The following NEK10 variants were observed in gnomAD, a reference collection of about 807,000 sequenced individuals.
NEK10 encodes the protein NIMA related kinase 10.
NEK10 carries 122 observed loss-of-function variants against 159.8 expected under a neutral mutation model. The observed-to-expected ratio is 0.76, with a 90% CI of 0.66 to 0.89. The LOEUF (loss-of-function observed/expected upper bound fraction) is 0.89, where lower values mean the gene tolerates loss of function less well. Ranked by LOEUF, NEK10 falls within the 40% of genes least tolerant of loss-of-function variation. The pLI is 0.00. For synonymous variants in NEK10, 466 were observed against 457.1 expected (o/e 1.02, Z -0.25); for missense variants, 1,342 against 1,323.1 (o/e 1.01, Z -0.22).
intron 30 of NEK10, among the ~76,000 whole-genome samples, chr3:27,157,516 A>G (rs148958971): frequency 6.6e-6 from 1 of 152,176 alleles, no homozygotes; most frequent in Non-Finnish European, 1.5e-5. Context: ...GTCTCATCCA[A>G]AAGCTTGAAT....
chr3:27,190,417 T>C (rs910185546), intron 26 of NEK10, among the ~76,000 whole-genome samples: 1 of 152,198 alleles, frequency 6.6e-6, no homozygotes, highest in Admixed American at 6.5e-5. Flanking sequence ...TAGCCCTTAA[T>C]AGCTAACTGT....
rs763254465 is a variant in NEK10 at position 27,115,990 on chromosome 3, C to A, written c.3249G>T (p.Val1083=). Residue 1083 remains valine (V), a synonymous_variant, in exon 35 of 36, where the codon GTG becomes GTT. Coordinates refer to ENST00000691995, the MANE Select transcript of NEK10 (RefSeq NM_001394966.1). ...EGITYEQMQT[V]IEEVLEESGY... is the part of the protein sequence containing the mutation. Reference sequence around the variant, plus strand: ...CACTTTCCTCAAGGACTTCTTCAATCACAGTCTAAAATTTTAAAAATCAGG... The same window carrying A: ...CACTTTCCTCAAGGACTTCTTCAATAACAGTCTAAAATTTTAAAAATCAGG... 4.5e-5 allele frequency: 72 copies of A among 1,612,976 alleles called. 1 individual carries two copies. In the South Asian group the frequency reaches 7.6e-4, roughly 17 times the overall value.
intron 25 of NEK10, among the ~76,000 whole-genome samples, chr3:27,200,742 C>T (rs1016875507): frequency 2.2e-4 from 33 of 152,082 alleles, no homozygotes; most frequent in Admixed American, 7.9e-4. Context: ...TTAGAGAGTA[C>T]TGTGAGGTAG....
At chr3:27,323,838 C>A (rs967174321) in intron 5 of NEK10, among the ~76,000 whole-genome samples, 2 of 152,110 alleles carry the variant, frequency 1.3e-5, no homozygotes, top group African/African-American at 4.8e-5. Context: ...TGCAATTTTG[C>A]AATGTTTTTG....
chr3:27,322,683 T>C (rs1218389333), intron 5 of NEK10, among the ~76,000 whole-genome samples: 1 of 152,186 alleles, frequency 6.6e-6, no homozygotes, highest in Admixed American at 6.5e-5. Flanking sequence ...TGGGGGTGTG[T>C]GCATTAGTGG....
At chr3:27,220,554 C>G (rs1184602774) in intron 23 of NEK10, among the ~76,000 whole-genome samples, 3 of 151,936 alleles carry the variant, frequency 2.0e-5, no homozygotes, top group Admixed American at 6.6e-5. Context: ...AGGGATTATA[C>G]TAGAATGTAG....
intron 23 of NEK10, among the ~76,000 whole-genome samples, chr3:27,244,144 C>T (rs1954832186): frequency 1.3e-5 from 2 of 152,214 alleles, no homozygotes; most frequent in African/African-American, 4.8e-5. Context: ...CTCAACCCAG[C>T]CAAACTATAG....
At chr3:27,263,776 A>G (rs1041833529) in intron 22 of NEK10, among the ~76,000 whole-genome samples, 1 of 152,110 alleles carries the variant, frequency 6.6e-6, no homozygotes, top group Admixed American at 6.5e-5. Flanking sequence ...GGGTGAGGCA[A>G]TGCCTCGCCC....
chr3:27,286,545 C>CTTTTTT lies in NEK10; in HGVS notation c.1789+1147_1789+1152dup, dbSNP rs36101281. ...TACAGGCGCCTGCCACCACGCCCAG[C>CTTTTTT]TTTTTTTTTTTTTTTTTTTTTTTAA... On this transcript the variant is annotated intron_variant, in intron 20 of 35. Coordinates refer to ENST00000691995, the MANE Select transcript of NEK10 (RefSeq NM_001394966.1). Among the ~76,000 whole-genome samples the CTTTTTT allele has an allele frequency of 8.0e-3, 522 of 65,000 alleles. 67 individuals are homozygous for CTTTTTT. Among genetic ancestry groups the CTTTTTT allele is most frequent in the African/African-American group, 0.025 (279 of 11,222 alleles). The allele number at this position is 65,000 out of a possible 152,430, so 42.6% of individuals were successfully genotyped here.
Position 27,192,073 on chromosome 3 carries a change from G to T in NEK10, c.2461C>A (p.Arg821=). The change falls in exon 26 of 36, where the codon CGG becomes AGG. Residue 821 remains arginine, a synonymous_variant. Coordinates refer to ENST00000691995, the MANE Select transcript of NEK10 (RefSeq NM_001394966.1). Reference sequence around the variant, plus strand: ...TCATGGTGACATGTGACGGTGTTCCGGTTGGCTTCCATAAAATACCTTTGT... The same window carrying T: ...TCATGGTGACATGTGACGGTGTTCCTGTTGGCTTCCATAAAATACCTTTGT... The part of the protein sequence containing the change: ...RTQRYFMEAN[R]NTVTCHHELA... 1 of 1,614,130 alleles carries T rather than the reference G, an allele frequency of 6.2e-7. No homozygotes were observed. The highest frequency in any genetic ancestry group is 1.1e-5 in the South Asian group (1 of 91,080).
At chr3:27,218,809 C>T (rs1336140972) in intron 23 of NEK10, among the ~76,000 whole-genome samples, 2 of 150,240 alleles carry the variant, frequency 1.3e-5, no homozygotes, top group Non-Finnish European at 3.0e-5. Context: ...AACTGTCTTT[C>T]GTGATAAAAG....
chr3:27,313,624 T>C (rs599298), intron 7 of NEK10, among the ~76,000 whole-genome samples: 96,724 of 152,086 alleles, frequency 0.64, 33,081 homozygotes, highest in African/African-American at 0.91. Flanking sequence ...AAGACACCGT[T>C]TCAAATATAT....
intron 20 of NEK10, among the ~76,000 whole-genome samples, chr3:27,286,229 G>A (rs2042594296): frequency 6.6e-6 from 1 of 150,782 alleles, no homozygotes; most frequent in Non-Finnish European, 1.5e-5. Flanking sequence ...GGGACTACAG[G>A]CGCCCGCCAC....
rs1940354619 is a variant in NEK10 at position 27,115,961 on chromosome 3, T to C, written c.3278A>G (p.Tyr1093Cys). 1.2e-6 allele frequency: 2 copies of C among 1,612,900 alleles called. No individual in the cohort carries two copies. The highest frequency in any genetic ancestry group is 8.5e-7 in the Non-Finnish European group (1 of 1,179,188). ...VIEEVLEESGYYNFTSNRYHS... is the reference protein window; with the variant it reads ...VIEEVLEESGCYNFTSNRYHS... ...TTACCTGTTAGATGTAAAATTGTAA[T>C]AGCCACTTTCCTCAAGGACTTCTTC... Residue 1093 changes from tyrosine (Y) to cysteine (C), a missense_variant, in exon 35 of 36, where the codon TAT becomes TGT. Physicochemically the swap from Tyr to Cys is radical, Grantham distance 194. Transcript: ENST00000691995.
chr3:27,240,778 A>G (rs1416859591), intron 23 of NEK10, among the ~76,000 whole-genome samples: 4 of 151,588 alleles, frequency 2.6e-5, no homozygotes, highest in African/African-American at 9.7e-5. Flanking sequence ...CAGCCTCCCG[A>G]GTAGATGAGA....
At chr3:27,202,165 T>A (rs1308103043) in intron 24 of NEK10, among the ~76,000 whole-genome samples, 5 of 89,054 alleles carry the variant, frequency 5.6e-5, no homozygotes, top group East Asian at 2.3e-4. Context: ...ATAAATAAAT[T>A]AAATAAATAA....
chr3:27,275,616 C>G (rs1477360660), intron 22 of NEK10, among the ~76,000 whole-genome samples: 1 of 152,184 alleles, frequency 6.6e-6, no homozygotes, highest in African/African-American at 2.4e-5. Context: ...GGCATGTCGA[C>G]AGACCTACAA....
At chr3:27,368,300 T>TC (rs1297573521) in intron 1 of NEK10, among the ~76,000 whole-genome samples, 35 of 149,368 alleles carry the variant, frequency 2.3e-4, no homozygotes, top group Non-Finnish European at 1.5e-4. Context: ...AAAAAAGGAG[T>TC]CTTTTTTAGA....
In NEK10 at chr3:27,128,957, G is replaced by A. The variant is rs565101359; in HGVS notation, c.3081+2923C>T. On this transcript the variant is annotated intron_variant, in intron 32 of 35. Coordinates refer to ENST00000691995, the MANE Select transcript of NEK10 (RefSeq NM_001394966.1). ...CTCGACTATTTCAATGAAAATATTA[G>A]GAAATGTGTATATTTTTTAATAGAT... is the stretch of plus-strand genomic sequence containing the variant. Among the ~76,000 whole-genome samples, 6 of 152,206 alleles carry A rather than the reference G, an allele frequency of 3.9e-5. No individual in the cohort carries two copies. In the East Asian group the frequency reaches 1.2e-3, roughly 29 times the overall value.
Sources: gnomAD v4.1 joint callset for allele counts (sites outside exome capture counted in the v4.1 genomes callset) on GRCh38, gnomAD v4.1.1 for gene constraint, MANE v1.5 for transcripts, NCBI Gene and HGNC (gene_info 2026-07-23, HGNC 2026-07-21) for gene names.